The following STXBP5L variants were observed in gnomAD, a reference collection of about 807,000 sequenced individuals.
The protein encoded by STXBP5L is syntaxin binding protein 5L.
In STXBP5L, 65 loss-of-function variants were observed where a neutral mutation model predicts 144.5. The observed-to-expected ratio is 0.45, with a 90% CI of 0.37 to 0.55. The LOEUF (loss-of-function observed/expected upper bound fraction) is 0.55. Among genes scored for constraint, STXBP5L ranks in the 20% least tolerant of loss-of-function variants. The probability of loss-of-function intolerance (pLI) is 0.00; values close to 1 mark genes in which losing one functional copy is unlikely to be tolerated. For synonymous variants in STXBP5L, 505 were observed against 469.6 expected (o/e 1.08, Z -0.97); for missense variants, 1,298 against 1,405.5 (o/e 0.92, Z 1.22).
intron 9 of STXBP5L, among the ~76,000 whole-genome samples, chr3:121,203,516 G>A (rs1220824554): frequency 6.6e-6 from 1 of 152,002 alleles, no homozygotes; most frequent in Non-Finnish European, 1.5e-5. Flanking sequence ...TGAATGTTAG[G>A]AATAGTAAGA....
chr3:121,227,956 G>A (rs1234029446), intron 11 of STXBP5L, among the ~76,000 whole-genome samples: 2 of 152,078 alleles, frequency 1.3e-5, no homozygotes, highest in African/African-American at 2.4e-5. Flanking sequence ...AACCCTTTGA[G>A]GCTCTTCAGG....
chr3:121,181,874 A>C (rs1297984914), intron 9 of STXBP5L, among the ~76,000 whole-genome samples: 1 of 152,206 alleles, frequency 6.6e-6, no homozygotes, highest in Non-Finnish European at 1.5e-5. Context: ...TATTCCATGC[A>C]AATGTAAACC....
In STXBP5L at chr3:120,993,766, T is replaced by G. The variant is rs72966785; in HGVS notation, c.287+38729T>G. On this transcript the variant is annotated intron_variant, in intron 3 of 26. Coordinates refer to ENST00000471454, the MANE Select transcript of STXBP5L (RefSeq NM_001308330.2). ...CCAGCTTTGTTCTTTTTCTTTAGGA[T>G]TGCTTTTGCTACTCAGGCTCTTTTT... Among the ~76,000 whole-genome samples, 379 of 152,248 alleles carry G rather than the reference T, an allele frequency of 2.5e-3. 2 individuals carry two copies. Among genetic ancestry groups the G allele is most frequent in the African/African-American group, 8.6e-3 (356 of 41,580 alleles).
rs1232572941 is a variant in STXBP5L, at chr3:121,421,225, T to C, written c.*2128T>C. 1 of 152,052 alleles carries C rather than the reference T, an allele frequency of 6.6e-6. No homozygotes were observed. Among genetic ancestry groups the C allele is most frequent in the Non-Finnish European group, 1.5e-5 (1 of 67,998 alleles). The allele number at this position is 152,052 out of a possible 1,614,324, so 9.4% of individuals were successfully genotyped here. ...TGTATTTTAAAAAAAACTAAAAGAG[T>C]AAAATATTAGTTTATTTTAGAAATA... On this transcript the variant is annotated 3_prime_UTR_variant, in exon 27 of 27. Coordinates refer to ENST00000471454, the MANE Select transcript of STXBP5L (RefSeq NM_001308330.2).
At chr3:121,030,455 C>T (rs1036975994) in intron 3 of STXBP5L, among the ~76,000 whole-genome samples, 3 of 152,136 alleles carry the variant, frequency 2.0e-5, no homozygotes, top group Non-Finnish European at 4.4e-5. Flanking sequence ...TGCATGTTCT[C>T]ACTCAGAAGT....
At chr3:121,129,993 C>CT (rs1289203695) in intron 7 of STXBP5L, among the ~76,000 whole-genome samples, 1 of 152,066 alleles carries the variant, frequency 6.6e-6, no homozygotes, top group Non-Finnish European at 1.5e-5. Flanking sequence ...CTTGATGGGG[C>CT]TTTTGGATTT....
At chr3:121,112,778 C>T (rs759019161) in intron 5 of STXBP5L, among the ~76,000 whole-genome samples, 5 of 151,986 alleles carry the variant, frequency 3.3e-5, no homozygotes, top group East Asian at 1.9e-4. Context: ...AGAAAAAATC[C>T]TTCATCTATC....
At chr3:120,930,704 C>T (rs537538935) in intron 2 of STXBP5L, among the ~76,000 whole-genome samples, 15 of 152,036 alleles carry the variant, frequency 9.9e-5, no homozygotes, top group Non-Finnish European at 1.5e-4. Context: ...CCAAACAGCC[C>T]GTCGGTTGCA....
chr3:121,248,873 G>T (rs764370424), intron 14 of STXBP5L, among the ~76,000 whole-genome samples: 6 of 152,172 alleles, frequency 3.9e-5, no homozygotes, highest in Non-Finnish European at 8.8e-5. Flanking sequence ...TGGCTAGCCA[G>T]TTATCCCAGC....
chr3:121,208,604 T>G (rs1445121822), intron 10 of STXBP5L, among the ~76,000 whole-genome samples: 1 of 152,164 alleles, frequency 6.6e-6, no homozygotes, highest in Non-Finnish European at 1.5e-5. Context: ...ATATTTTGCC[T>G]CTTGAAATAT....
chr3:121,346,110 C>T (rs962652087), intron 20 of STXBP5L, among the ~76,000 whole-genome samples: 11 of 148,226 alleles, frequency 7.4e-5, no homozygotes, highest in South Asian at 2.2e-4. Context: ...TCCCCTCCCC[C>T]GACCCCACAA....
chr3:121,188,822 G>A (rs911455815), intron 9 of STXBP5L, among the ~76,000 whole-genome samples: 4 of 152,126 alleles, frequency 2.6e-5, no homozygotes, highest in African/African-American at 9.7e-5. Context: ...AATAATAAGA[G>A]CTATTTATGA....
At chr3:121,157,327 G>A (rs1227121429) in intron 8 of STXBP5L, among the ~76,000 whole-genome samples, 177 bp from the exon 9 acceptor site, 3 of 152,044 alleles carry the variant, frequency 2.0e-5, no homozygotes, top group African/African-American at 7.2e-5. Flanking sequence ...TATGTGAGGA[G>A]GAAATAGGAC....
At chr3:120,991,958 T>G (rs572653410) in intron 3 of STXBP5L, among the ~76,000 whole-genome samples, 1 of 152,128 alleles carries the variant, frequency 6.6e-6, no homozygotes, top group African/African-American at 2.4e-5. Flanking sequence ...ACTTAAAGTA[T>G]AATAAAAAAA....
intron 5 of STXBP5L, among the ~76,000 whole-genome samples, 179 bp from the exon 6 acceptor site, chr3:121,114,746 G>GT (rs1217025273): frequency 6.6e-6 from 1 of 151,990 alleles, no homozygotes; most frequent in African/African-American, 2.4e-5. Context: ...TAACATTATT[G>GT]TTTTTAACGC....
intron 19 of STXBP5L, among the ~76,000 whole-genome samples, chr3:121,308,294 GC>G (rs1177372982): frequency 6.6e-6 from 1 of 152,058 alleles, no homozygotes; most frequent in East Asian, 1.9e-4. Flanking sequence ...CTCATATCCA[GC>G]AAAAGTATTT....
intron 2 of STXBP5L, among the ~76,000 whole-genome samples, chr3:120,929,733 T>C (rs987284638): frequency 6.6e-6 from 1 of 152,250 alleles, no homozygotes; most frequent in South Asian, 2.1e-4. Flanking sequence ...TATATAACTG[T>C]CAGTTCAGTG....
At chr3:121,131,834 AT>A (rs1420658671) in intron 7 of STXBP5L, among the ~76,000 whole-genome samples, 1 of 152,232 alleles carries the variant, frequency 6.6e-6, no homozygotes, top group African/African-American at 2.4e-5. Flanking sequence ...TACAATTCAC[AT>A]ATAAATTCCC....
intron 3 of STXBP5L, among the ~76,000 whole-genome samples, chr3:120,991,362 A>G (rs1208183381): frequency 2.0e-5 from 3 of 151,654 alleles, no homozygotes; most frequent in African/African-American, 7.3e-5. Context: ...GAGAAATAGG[A>G]ACACTTTTAC....
Sources: gnomAD v4.1 joint callset for allele counts (sites outside exome capture counted in the v4.1 genomes callset) on GRCh38, gnomAD v4.1.1 for gene constraint, MANE v1.5 for transcripts, NCBI Gene and HGNC (gene_info 2026-07-23, HGNC 2026-07-21) for gene names.